The following XPA variants were observed in gnomAD, a reference collection of about 807,000 sequenced individuals.
XPA encodes the protein DNA repair protein complementing XP-A cells.
XPA carries 27 observed loss-of-function variants against 35.7 expected under a neutral mutation model. The ratio of observed to expected loss-of-function variants is 0.76; its 90% CI spans 0.56 to 1.04. The LOEUF (loss-of-function observed/expected upper bound fraction) is 1.04, where lower values mean the gene tolerates loss of function less well. Ranked by LOEUF, XPA falls within the 50% of genes least tolerant of loss-of-function variation. XPA has a pLI of 0.00. For synonymous variants in XPA, 133 were observed against 118.4 expected (o/e 1.12, Z -0.80); for missense variants, 354 against 342.7 (o/e 1.03, Z -0.26).
In XPA at chr9:97,675,257, G is replaced by C. The variant is rs1016482701; in HGVS notation, c.*182C>G. ...CATTGTGCACACAACCAGGCCAGGT[G>C]ACCTTCACTGAAACTTGCTTTTAAG... On this transcript the variant is annotated 3_prime_UTR_variant, in exon 6 of 6. Transcript: ENST00000375128. The C allele has an allele frequency of 2.7e-5, 20 of 730,876 alleles. No homozygotes were observed. The highest frequency in any genetic ancestry group is 4.5e-5 in the Non-Finnish European group (19 of 426,602). The allele number at this position is 730,876 out of a possible 1,614,324, so 45.3% of individuals were successfully genotyped here. A position where few individuals can be genotyped will look rare whatever the true frequency, so the allele number is the denominator to read the frequency against.
chr9:97,683,573 C>T (rs550694422), intron 5 of XPA, among the ~76,000 whole-genome samples: 1 of 152,102 alleles, frequency 6.6e-6, no homozygotes, highest in South Asian at 2.1e-4. Context: ...ACAGTGCTTC[C>T]ATTTTTATTT....
chr9:97,685,426 C>T (rs534068075), intron 4 of XPA, among the ~76,000 whole-genome samples: 1 of 152,278 alleles, frequency 6.6e-6, no homozygotes, highest in South Asian at 2.1e-4. Context: ...AAATCTCCAA[C>T]CGCAGGAAAT....
At chr9:97,695,158 A>T (rs1365172419) in intron 1 of XPA, among the ~76,000 whole-genome samples, 1 of 152,260 alleles carries the variant, frequency 6.6e-6, no homozygotes, top group Non-Finnish European at 1.5e-5. Context: ...GATGGTGTTT[A>T]CACAAGCATT....
At chr9:97,664,356 T>C in the XPA span, 1 of 1,610,186 alleles carries the variant, frequency 6.2e-7, no homozygotes, top group Non-Finnish European at 8.5e-7. Flanking sequence ...GCTGTACTAG[T>C]GGATAAGATG....
chr9:97,688,411 T>A (rs998615107), intron 3 of XPA, among the ~76,000 whole-genome samples: 3 of 152,218 alleles, frequency 2.0e-5, no homozygotes, highest in Admixed American at 6.5e-5. Flanking sequence ...GTGCTTGTAT[T>A]CGGTCTACCT....
downstream of XPA, chr9:97,670,977 T>G: frequency 1.6e-6 from 1 of 616,050 alleles, no homozygotes; most frequent in Non-Finnish European, 2.8e-6. Context: ...TTTTTTCCCC[T>G]TCCTCTTTTC....
chr9:97,675,325 G>T lies in XPA; in HGVS notation c.*114C>A, dbSNP rs1279501973. 9.7e-6 allele frequency: 11 copies of T among 1,131,488 alleles called. No individual in the cohort carries two copies. The highest frequency in any genetic ancestry group is 3.0e-4 in the Middle Eastern group (1 of 3,386). The allele number at this position is 1,131,488 out of a possible 1,614,324, so 70.1% of individuals were successfully genotyped here. A position where few individuals can be genotyped will look rare whatever the true frequency, so the allele number is the denominator to read the frequency against. On this transcript the variant is annotated 3_prime_UTR_variant, in exon 6 of 6. Coordinates refer to ENST00000375128, the MANE Select transcript of XPA (RefSeq NM_000380.4). ...ATTACTGAAGTATTACTTATACAAG[G>T]GTTTCATTCATCTATGAAGATGTTG...
At chr9:97,685,105 CT>C in intron 4 of XPA, 65 bp from the exon 5 acceptor site, 1 of 1,332,266 alleles carries the variant, frequency 7.5e-7, no homozygotes, top group East Asian at 2.3e-5. Flanking sequence ...ATAGTTATAA[CT>C]GTCAAATCCA....
intron 5 of XPA, among the ~76,000 whole-genome samples, chr9:97,678,418 T>TA: frequency 6.6e-6 from 1 of 151,426 alleles, no homozygotes; most frequent in Non-Finnish European, 1.5e-5. Flanking sequence ...AATAAGTAAA[T>TA]AAAAAAAGTA....
At chr9:97,685,123 C>G in intron 4 of XPA, 83 bp from the exon 5 acceptor site, 1 of 1,093,294 alleles carries the variant, frequency 9.1e-7, no homozygotes, top group Admixed American at 1.9e-5. Context: ...TCCAAAGGTA[C>G]CAAAGAATGA....
At chr9:97,660,044 G>A in the XPA span, among the ~76,000 whole-genome samples, 3 of 151,992 alleles carry the variant, frequency 2.0e-5, no homozygotes, top group African/African-American at 7.3e-5. Context: ...TTTTTTAACC[G>A]TTAGCAAGCC....
intron 5 of XPA, 154 bp from the exon 6 acceptor site, chr9:97,675,741 T>A (rs535776074): frequency 1.0e-6 from 1 of 994,366 alleles, no homozygotes; most frequent in African/African-American, 1.6e-5. Flanking sequence ...CAAAGTTGAT[T>A]ATACAAACTT....
At chr9:97,690,377 ATTTTTG>A (rs1003688144) in intron 2 of XPA, among the ~76,000 whole-genome samples, 4 of 151,404 alleles carry the variant, frequency 2.6e-5, no homozygotes, top group Non-Finnish European at 4.4e-5. Context: ...TGCCCGGATA[ATTTTTG>A]TTTTTGTTTT....
chr9:97,675,733 A>G (rs186915556), intron 5 of XPA, 146 bp from the exon 6 acceptor site: 25 of 1,047,116 alleles, frequency 2.4e-5, no homozygotes, highest in Non-Finnish European at 3.4e-5. Flanking sequence ...TTTTATAACA[A>G]AGTTGATTAT....
the XPA span, chr9:97,662,962 A>G: frequency 3.1e-6 from 5 of 1,610,614 alleles, no homozygotes; most frequent in Non-Finnish European, 4.2e-6. Context: ...AGGTTTCATG[A>G]AGTCTTCAAA....
rs1828635290 is a variant in XPA at position 97,684,223 on chromosome 9, C to T, written c.673+700G>A. Among the ~76,000 whole-genome samples, 3 of 152,288 alleles carry T rather than the reference C, an allele frequency of 2.0e-5. No individual in the cohort carries two copies. The South Asian group carries it at 6.2e-4, about 32-fold the overall frequency. ...AGCACAGTGCCTGGCACATAGCTGACACTTAGTAAATACTGGATGTATTGA... is the reference window on the plus strand; with the variant it reads ...AGCACAGTGCCTGGCACATAGCTGATACTTAGTAAATACTGGATGTATTGA... On this transcript the variant is annotated intron_variant, in intron 5 of 5. Transcript: ENST00000375128.
intron 5 of XPA, among the ~76,000 whole-genome samples, chr9:97,677,424 G>A (rs372138824): frequency 3.9e-4 from 60 of 152,272 alleles, no homozygotes; most frequent in South Asian, 3.7e-3. Flanking sequence ...AATGGCTCAT[G>A]CCTGTAATCC....
chr9:97,687,030 A>T (rs1055902548), intron 4 of XPA, 66 bp downstream of exon 4: 10 of 1,536,976 alleles, frequency 6.5e-6, no homozygotes, highest in Non-Finnish European at 8.8e-6. Context: ...AGCCAAACCA[A>T]TTATGACTAG....
chr9:97,669,808 C>A, the XPA span: 1 of 782,700 alleles, frequency 1.3e-6, no homozygotes, highest in East Asian at 2.7e-5. Flanking sequence ...TATATAGTAC[C>A]TGTTAGACCC....
Sources: gnomAD v4.1 joint callset for allele counts (sites outside exome capture counted in the v4.1 genomes callset) on GRCh38, gnomAD v4.1.1 for gene constraint, MANE v1.5 for transcripts, NCBI Gene and HGNC (gene_info 2026-07-23, HGNC 2026-07-21) for gene names.